The following SBNO2 variants were observed in gnomAD, a reference collection of about 807,000 sequenced individuals.
SBNO2 encodes the protein strawberry notch homolog 2.
Under a neutral mutation model 146.3 loss-of-function variants are expected in SBNO2, and 89 were observed. The observed-to-expected ratio is 0.61, with a 90% confidence interval of 0.51 to 0.73. The LOEUF is 0.73. Ranked by LOEUF, SBNO2 falls within the 30% of genes least tolerant of loss-of-function variation. The pLI is 0.00. For synonymous variants in SBNO2, 1,147 were observed against 892.6 expected, an observed-to-expected ratio of 1.29 and a Z score of -5.08; for missense variants, 2,092 against 2,003.7, an observed-to-expected ratio of 1.04 and a Z score of -0.84.
rs775287082 is a variant in SBNO2, at chr19:1,109,621, G to C, written c.3124-23C>G. On this transcript the variant is annotated intron_variant, in intron 27 of 31. Transcript: ENST00000361757. The surrounding 1 kb of genome is among the most constrained non-coding windows in gnomAD (Gnocchi z 4.2). ...GATCTGCCACGGCACGGGGTGGGGG[G>C]GTGTGAGTGTGGTGGGGGCGGGGTG... 5.1e-6 allele frequency: 8 copies of C among 1,567,092 alleles called. No individual in the cohort carries two copies. The South Asian group carries it at 5.8e-5, about 11-fold the overall frequency.
chr19:1,141,725 C>G (rs1385704349), intron 4 of SBNO2, among the ~76,000 whole-genome samples: 1 of 152,106 alleles, frequency 6.6e-6, no homozygotes, highest in Non-Finnish European at 1.5e-5. Context: ...GATCCTCATG[C>G]CTCAGTCAAA....
chr19:1,120,105 C>A, intron 11 of SBNO2, 82 bp from the exon 12 acceptor site: 1 of 1,080,848 alleles, frequency 9.3e-7, no homozygotes, highest in Non-Finnish European at 1.4e-6. Flanking sequence ...CAAGACCCCA[C>A]CTTCCTGGTG....
At chr19:1,145,444 G>C (rs1191674780) in intron 4 of SBNO2, among the ~76,000 whole-genome samples, 1 of 147,972 alleles carries the variant, frequency 6.8e-6, no homozygotes, top group Non-Finnish European at 1.5e-5. Flanking sequence ...TTGCACTCCA[G>C]CCTGAGCAAC....
At chr19:1,135,188 C>G (rs2080074406) in intron 4 of SBNO2, among the ~76,000 whole-genome samples, 1 of 151,682 alleles carries the variant, frequency 6.6e-6, no homozygotes, top group Non-Finnish European at 1.5e-5. Flanking sequence ...ATAGTGAGAT[C>G]CCATCTCCAC....
At chr19:1,123,341 T>A (rs530370853) in intron 7 of SBNO2, among the ~76,000 whole-genome samples, 193 bp downstream of exon 7, 16 of 152,254 alleles carry the variant, frequency 1.1e-4, no homozygotes, top group South Asian at 8.3e-4. Context: ...CTGAGGTTCC[T>A]TTCCACTTCT....
chr19:1,113,482 C>G, intron 19 of SBNO2, 53 bp downstream of exon 19: 1 of 1,448,970 alleles, frequency 6.9e-7, no homozygotes, highest in Non-Finnish European at 9.4e-7. Flanking sequence ...CGTGAAGCCC[C>G]ACCCACTGCC....
intron 2 of SBNO2, among the ~76,000 whole-genome samples, chr19:1,151,738 C>T (rs2080244247): frequency 6.6e-6 from 1 of 152,220 alleles, no homozygotes; most frequent in Non-Finnish European, 1.5e-5. Context: ...TCGTGGCTCA[C>T]TGCAACCTCC....
rs925267938 is a variant in SBNO2 at position 1,140,881 on chromosome 19, C to T, written c.279+6428G>A. ...CAAAGTTACCAGCATCAGCACAACA[C>T]GCGCAACGCCAGGCACTCCGGTCCA... is the stretch of plus-strand genomic sequence containing the variant. On this transcript the variant is annotated intron_variant, in intron 4 of 31. Coordinates refer to ENST00000361757, the MANE Select transcript of SBNO2 (RefSeq NM_014963.3). This position sits in a 1 kb window ranked among gnomAD's most constrained non-coding sequence, Gnocchi z 4.4. Among the ~76,000 whole-genome samples, 5 of 152,168 alleles carry T rather than the reference C, an allele frequency of 3.3e-5. No individual in the cohort carries two copies. The highest frequency in any genetic ancestry group is 6.5e-5 in the Admixed American group (1 of 15,282).
rs752493107 is a variant in SBNO2, at chr19:1,109,547, C to G, written c.3175G>C (p.Ala1059Pro). The G allele has an allele frequency of 1.1e-5, 17 of 1,601,508 alleles. No individual in the cohort carries two copies. In the East Asian group the frequency reaches 3.6e-4, roughly 34 times the overall value. ...KWEDAFAKSL[A>P]LTGPYDGFYL... ...AAGCCGTCATAGGGGCCCGTCAGCG[C>G]CAGCGACTTGGCAAAGGCGTCCTCC... The change falls in exon 28 of 32, where the codon GCG (alanine) becomes CCG (proline). Residue 1059 changes from alanine (A) to proline (P), a missense_variant. Ala to Pro is a conservative substitution (Grantham distance 27). Transcript: ENST00000361757. This position sits in a 1 kb window ranked among gnomAD's most constrained non-coding sequence, Gnocchi z 4.2.
intron 4 of SBNO2, among the ~76,000 whole-genome samples, chr19:1,145,957 G>C (rs929182538): frequency 6.6e-6 from 1 of 152,090 alleles, no homozygotes; most frequent in African/African-American, 2.4e-5. Context: ...CCGTCCCAGG[G>C]CCCGGGAGTC....
In SBNO2 at chr19:1,109,085, T is replaced by G. The variant is rs1158903692; in HGVS notation, c.3425+50A>C. ...GTCTCGGGAGCCCCCGATCCCCGCCTGGGTCGCCGCCATCTGCCGGTTTCC... is the reference window on the plus strand; with the variant it reads ...GTCTCGGGAGCCCCCGATCCCCGCCGGGGTCGCCGCCATCTGCCGGTTTCC... On this transcript the variant is annotated intron_variant, in intron 30 of 31. Transcript: ENST00000361757. This position sits in a 1 kb window ranked among gnomAD's most constrained non-coding sequence, Gnocchi z 4.2. 4 of 1,539,908 alleles carry G rather than the reference T, an allele frequency of 2.6e-6. No individual in the cohort carries two copies. Among genetic ancestry groups the G allele is most frequent in the African/African-American group, 2.7e-5 (2 of 72,750 alleles).
chr19:1,138,458 T>A (rs1342310772), intron 4 of SBNO2, among the ~76,000 whole-genome samples: 2 of 151,898 alleles, frequency 1.3e-5, no homozygotes, highest in Non-Finnish European at 2.9e-5. Flanking sequence ...GACATGGACC[T>A]GCATATGGAC....
chr19:1,120,057 G>T, intron 11 of SBNO2, 34 bp from the exon 12 acceptor site: 1 of 1,522,316 alleles, frequency 6.6e-7, no homozygotes, highest in South Asian at 1.2e-5. Flanking sequence ...GTATTCTGAA[G>T]GACGGGGGCG....
At chr19:1,114,474 G>T in intron 17 of SBNO2, 52 bp from the exon 18 acceptor site, 1 of 1,421,972 alleles carries the variant, frequency 7.0e-7, no homozygotes, top group Non-Finnish European at 9.4e-7. Context: ...AGGTGGAGGA[G>T]CAGGTGGAGG....
rs1215198355 is a variant in SBNO2 at position 1,112,517 on chromosome 19, C to A, written c.2400G>T (p.Glu800Asp). 6 of 1,603,808 alleles carry A rather than the reference C, an allele frequency of 3.7e-6. No individual in the cohort carries two copies. Among genetic ancestry groups the A allele is most frequent in the Admixed American group, 1.7e-5 (1 of 59,590 alleles). ...GGAGGGAGACACCCGAGCTGGAGGC[C>A]TCCGAGATGATGGCCACGAGCTAGG... ...SGEKLVAIISEASSSGVSLQA... is the reference protein window; with the variant it reads ...SGEKLVAIISDASSSGVSLQA... The change falls in exon 21 of 32, where the codon GAG becomes GAT. Residue 800 changes from glutamate to aspartate, a missense_variant. Transcript: ENST00000361757. This position sits in a 1 kb window ranked among gnomAD's most constrained non-coding sequence, Gnocchi z 5.9.
chr19:1,151,732 G>A (rs1032973550), intron 2 of SBNO2, among the ~76,000 whole-genome samples: 2 of 152,174 alleles, frequency 1.3e-5, no homozygotes, highest in African/African-American at 4.8e-5. Context: ...GCACGATCGT[G>A]GCTCACTGCA....
intron 1 of SBNO2, among the ~76,000 whole-genome samples, chr19:1,165,387 A>G (rs564753990): frequency 1.1e-4 from 17 of 152,288 alleles, no homozygotes; most frequent in African/African-American, 3.6e-4. Context: ...AGATGCGAGC[A>G]GGGTGCCGGG....
chr19:1,111,543 G>A lies in SBNO2; in HGVS notation c.2772C>T (p.Pro924=). 6.3e-7 allele frequency: 1 copy of A among 1,594,656 alleles called. No individual in the cohort carries two copies. The highest frequency in any genetic ancestry group is 8.5e-7 in the Non-Finnish European group (1 of 1,171,102). Residue 924 remains proline, a synonymous_variant, in exon 24 of 32, where the codon CCC becomes CCT. Coordinates refer to ENST00000361757, the MANE Select transcript of SBNO2 (RefSeq NM_014963.3). The part of the protein sequence containing the change: ...LSQTENKVPV[P]QGYPGGVPTF... ...TGGGGACCCCTCCAGGGTATCCCTGGGGCACAGGCACTTTGTTCTCAGTCT... is the reference window on the plus strand; with the variant it reads ...TGGGGACCCCTCCAGGGTATCCCTGAGGCACAGGCACTTTGTTCTCAGTCT...
At chr19:1,163,906 G>A (rs1428996239) in intron 1 of SBNO2, among the ~76,000 whole-genome samples, 1 of 152,220 alleles carries the variant, frequency 6.6e-6, no homozygotes, top group Non-Finnish European at 1.5e-5. Context: ...GGGCACTGCA[G>A]CCTCACCGCC....
Sources: allele counts gnomAD v4.1 joint callset (sites outside exome capture counted in the v4.1 genomes callset), GRCh38; gene constraint gnomAD v4.1.1; non-coding constraint Gnocchi (gnomAD v3.1); transcripts MANE v1.5; gene names NCBI Gene and HGNC (gene_info 2026-07-23, HGNC 2026-07-21).